Variants in PCDHGA8 observed in about 807,000 individuals in gnomAD.
The protein encoded by PCDHGA8 is protocadherin gamma subfamily A, 8.
PCDHGA8 carries 45 observed loss-of-function variants against 59.2 expected under a neutral mutation model. The ratio of observed to expected loss-of-function variants is 0.76; its 90% CI spans 0.60 to 0.98. The LOEUF is 0.98. PCDHGA8 is among the 50% of genes least tolerant of loss of function. PCDHGA8 has a pLI of 0.00. For missense variants in PCDHGA8, 1,257 were observed against 1,196.2 expected (o/e 1.05, Z -0.75); for synonymous variants, 531 against 519.0 (o/e 1.02, Z -0.32).
In PCDHGA8 at chr5:141,511,131, C is replaced by T; in HGVS notation, c.2757C>T (p.Gly919=). ...GGGATGGCAAGGCCCCAGCAGGTGG[C>T]AATGGCAACAAGAAGAAGTCGGGCA... is the stretch of plus-strand genomic sequence containing the variant. ...GKRDGKAPAG[G]NGNKKKSGKK... is the part of the protein sequence containing the mutation. The change falls in exon 4 of 4, where the codon GGC becomes GGT. Residue 919 remains glycine (G), a synonymous_variant. Coordinates refer to ENST00000398604, the MANE Select transcript of PCDHGA8 (RefSeq NM_032088.2). 2 of 1,614,202 alleles carry T rather than the reference C, an allele frequency of 1.2e-6. No homozygotes were observed. Among genetic ancestry groups the T allele is most frequent in the Non-Finnish European group, 1.7e-6 (2 of 1,180,020 alleles).
Position 141,431,464 on chromosome 5 carries a change from G to GA in PCDHGA8, c.2424+36229dup, listed in dbSNP as rs1561852795. 1 of 1,613,782 alleles carries GA rather than the reference G, an allele frequency of 6.2e-7. No homozygotes were observed. Among genetic ancestry groups the GA allele is most frequent in the Non-Finnish European group, 8.5e-7 (1 of 1,179,972 alleles). ...GCATCCGCGTGATGGTTCTGGATGC[G>GA]AACGACAACGCACCAGCGTTTGCTC... On this transcript the variant is annotated intron_variant, in intron 1 of 3. Coordinates refer to ENST00000398604, the MANE Select transcript of PCDHGA8 (RefSeq NM_032088.2). This position sits in a 1 kb window ranked among gnomAD's most constrained non-coding sequence, Gnocchi z 4.8.
At chr5:141,502,946 C>T (rs900624216) in intron 2 of PCDHGA8, among the ~76,000 whole-genome samples, 13 of 145,572 alleles carry the variant, frequency 8.9e-5, no homozygotes, top group African/African-American at 2.6e-4. Flanking sequence ...TGGGTTCAAG[C>T]GATTCTCCTG....
chr5:141,442,786 A>T (rs569050347), intron 1 of PCDHGA8, among the ~76,000 whole-genome samples: 12 of 152,308 alleles, frequency 7.9e-5, no homozygotes, highest in African/African-American at 2.6e-4. Context: ...TATATTTTAT[A>T]ATTTTACTTT....
At chr5:141,424,936 C>G (rs1160449329) in intron 1 of PCDHGA8, among the ~76,000 whole-genome samples, 1 of 152,182 alleles carries the variant, frequency 6.6e-6, no homozygotes, top group Non-Finnish European at 1.5e-5. Flanking sequence ...AGTCAACACT[C>G]TCACATCACT....
At chr5:141,419,405 G>T (rs1219399978) in intron 1 of PCDHGA8, 1 of 1,613,512 alleles carries the variant, frequency 6.2e-7, no homozygotes, top group South Asian at 1.1e-5. Context: ...GGTGGTGTTC[G>T]CGCAGCGCGC....
At position 141,485,566 on chromosome 5, in the gene PCDHGA8, C is replaced by T. The variant is rs768144422; in HGVS notation, c.2425-9241C>T. The T allele has an allele frequency of 6.2e-7, 1 of 1,612,926 alleles. No homozygotes were observed. Among genetic ancestry groups the T allele is most frequent in the African/African-American group, 1.3e-5 (1 of 75,016 alleles). ...TCGTAGATGTGAATGATCACGCCCC[C>T]CGTTTTCCGCGGCAGCAGCTGGACT... On this transcript the variant is annotated intron_variant, in intron 1 of 3. Transcript: ENST00000398604. The surrounding 1 kb of genome is among the most constrained non-coding windows in gnomAD (Gnocchi z 5.7).
intron 1 of PCDHGA8, chr5:141,414,584 C>G (rs1359132446): frequency 3.1e-6 from 5 of 1,613,956 alleles, no homozygotes; most frequent in Non-Finnish European, 4.2e-6. Context: ...GAGAACAACG[C>G]CAGGGGTGCC....
At position 141,487,289 on chromosome 5, in the gene PCDHGA8, G is replaced by T; in HGVS notation, c.2425-7518G>T. 6.2e-7 allele frequency: 1 copy of T among 1,614,096 alleles called. No individual in the cohort carries two copies. The highest frequency in any genetic ancestry group is 8.5e-7 in the Non-Finnish European group (1 of 1,180,024). On this transcript the variant is annotated intron_variant, in intron 1 of 3. Coordinates refer to ENST00000398604, the MANE Select transcript of PCDHGA8 (RefSeq NM_032088.2). The surrounding 1 kb of genome is among the most constrained non-coding windows in gnomAD (Gnocchi z 5.0). Reference sequence around the variant, plus strand: ...AGTGGCAATTTGCTTTGTCTCCTTTGGCTCATTCGTGGCACTACTCTCTAA... The same window carrying T: ...AGTGGCAATTTGCTTTGTCTCCTTTTGCTCATTCGTGGCACTACTCTCTAA...
intron 1 of PCDHGA8, among the ~76,000 whole-genome samples, chr5:141,488,305 T>C (rs1452293355): frequency 6.6e-6 from 1 of 152,234 alleles, no homozygotes; most frequent in African/African-American, 2.4e-5. Context: ...AAATCACTTA[T>C]GTCAGAAAAC....
In PCDHGA8 at chr5:141,486,667, G is replaced by A; in HGVS notation, c.2425-8140G>A. On this transcript the variant is annotated intron_variant, in intron 1 of 3. Coordinates refer to ENST00000398604, the MANE Select transcript of PCDHGA8 (RefSeq NM_032088.2). The surrounding 1 kb of genome is among the most constrained non-coding windows in gnomAD (Gnocchi z 5.0). ...TCTCCTACTCACTCCTGGAGCCCAG[G>A]AATCGAGATGTATCAGCTTCCTCTT... 4 of 1,613,948 alleles carry A rather than the reference G, an allele frequency of 2.5e-6. No individual in the cohort carries two copies. Among genetic ancestry groups the A allele is most frequent in the Non-Finnish European group, 3.4e-6 (4 of 1,180,014 alleles).
At chr5:141,470,508 G>A (rs947583701) in intron 1 of PCDHGA8, among the ~76,000 whole-genome samples, 10 of 152,176 alleles carry the variant, frequency 6.6e-5, no homozygotes, top group African/African-American at 2.4e-4. Flanking sequence ...TAATTAGACA[G>A]TTAGCTAATA....
In PCDHGA8 at chr5:141,394,095, G is replaced by A; in HGVS notation, c.1282G>A (p.Gly428Arg). Residue 428 changes from glycine (G) to arginine (R), a missense_variant, in exon 1 of 4, where the codon GGA (glycine) becomes AGA (arginine). Coordinates refer to ENST00000398604, the MANE Select transcript of PCDHGA8 (RefSeq NM_032088.2). ...YNITVMASDLGTPPLSTETQI... is the reference protein window; with the variant it reads ...YNITVMASDLRTPPLSTETQI... ...TATCACAGTGATGGCCTCAGATCTA[G>A]GAACACCACCTCTGTCCACTGAAAC... 1 of 1,613,848 alleles carries A rather than the reference G, an allele frequency of 6.2e-7. No homozygotes were observed. Among genetic ancestry groups the A allele is most frequent in the Non-Finnish European group, 8.5e-7 (1 of 1,179,832 alleles).
At chr5:141,475,715 C>T (rs989484033) in intron 1 of PCDHGA8, among the ~76,000 whole-genome samples, 1 of 152,366 alleles carries the variant, frequency 6.6e-6, no homozygotes, top group African/African-American at 2.4e-5. Context: ...AGCCTCACAG[C>T]CCCAAGGCTG....
chr5:141,407,505 T>TTTTTTTTTTTTTTTTTTTTTTTTTTTTTG (rs1460306566), intron 1 of PCDHGA8, among the ~76,000 whole-genome samples: 2 of 152,144 alleles, frequency 1.3e-5, no homozygotes, highest in Non-Finnish European at 1.5e-5. Context: ...CTGTTTTTCT[T>TTTTTTTTTTTTTTTTTTTTTTTTTTTTTG]AGGCTATGTA....
At chr5:141,433,655 G>T (rs1227358856) in intron 1 of PCDHGA8, among the ~76,000 whole-genome samples, 2 of 152,036 alleles carry the variant, frequency 1.3e-5, no homozygotes, top group Non-Finnish European at 1.5e-5. Flanking sequence ...GACCAACATG[G>T]AGAAACCCCG....
chr5:141,428,368 C>T, intron 1 of PCDHGA8: 1 of 545,002 alleles, frequency 1.8e-6, no homozygotes, highest in Non-Finnish European at 3.4e-6. Context: ...GGTCGCCTTG[C>T]ACCTGCGATG....
At chr5:141,424,036 C>T (rs2096796408) in intron 1 of PCDHGA8, 1 of 1,029,488 alleles carries the variant, frequency 9.7e-7, no homozygotes, top group Non-Finnish European at 1.2e-6. Flanking sequence ...CTTTTTATTT[C>T]CATTTCAATT....
chr5:141,402,760 G>A (rs2094303871), intron 1 of PCDHGA8, among the ~76,000 whole-genome samples: 1 of 152,176 alleles, frequency 6.6e-6, no homozygotes, highest in African/African-American at 2.4e-5. Flanking sequence ...CGAAAATCAG[G>A]ACTCCATCCG....
At chr5:141,437,895 A>G (rs911855268) in intron 1 of PCDHGA8, among the ~76,000 whole-genome samples, 23 of 151,954 alleles carry the variant, frequency 1.5e-4, no homozygotes, top group African/African-American at 4.8e-4. Flanking sequence ...ACGCCACCAC[A>G]CCCAGCTAAT....
Sources: allele counts gnomAD v4.1 joint callset (sites outside exome capture counted in the v4.1 genomes callset), GRCh38; gene constraint gnomAD v4.1.1; non-coding constraint Gnocchi (gnomAD v3.1); transcripts MANE v1.5; gene names NCBI Gene and HGNC (gene_info 2026-07-23, HGNC 2026-07-21).